GRID2: variants seen among roughly 807,000 people sequenced by gnomAD.
GRID2 encodes glutamate ionotropic receptor delta type subunit 2, also known as glutamate receptor ionotropic, delta-2.
A neutral mutation model predicts 114.8 loss-of-function variants in GRID2; 33 were observed. That is an observed-to-expected ratio of 0.29 (90% CI 0.22 to 0.38). The LOEUF (loss-of-function observed/expected upper bound fraction) is 0.38, where lower values mean the gene tolerates loss of function less well. Among genes scored for constraint, GRID2 ranks in the 10% least tolerant of loss-of-function variants. GRID2 has a pLI of 1.00. For synonymous variants in GRID2, 505 were observed against 449.9 expected, an observed-to-expected ratio of 1.12 and a Z score of -1.55; for missense variants, 1,184 against 1,257.7, an observed-to-expected ratio of 0.94 and a Z score of 0.89.
chr4:93,165,279 G>T (rs1738140253), intron 4 of GRID2, among the ~76,000 whole-genome samples: 1 of 152,044 alleles, frequency 6.6e-6, no homozygotes, highest in Non-Finnish European at 1.5e-5. Context: ...GTAGGTTGTT[G>T]TTCTTTTCTA....
At chr4:93,354,022 T>TGTGC (rs1553915447) in intron 8 of GRID2, among the ~76,000 whole-genome samples, 223 of 150,282 alleles carry the variant, frequency 1.5e-3, no homozygotes, top group African/African-American at 5.2e-3. Context: ...AGCACACACA[T>TGTGC]GCACACACAC....
At chr4:93,713,258 C>G (rs1302565242) in intron 14 of GRID2, among the ~76,000 whole-genome samples, 1 of 152,134 alleles carries the variant, frequency 6.6e-6, no homozygotes, top group East Asian at 1.9e-4. Context: ...TTGCTCACCT[C>G]TAGCCTAGAG....
Position 92,650,537 on chromosome 4 carries a change from A to G in GRID2, c.244+60251A>G, listed in dbSNP as rs1327906157. ...TTCCCTTTGGTAATAAGGATTAATC[A>G]CCCTAGCCAGTGCAATAATTCCCTT... On this transcript the variant is annotated intron_variant, in intron 2 of 15. Coordinates refer to ENST00000282020, the MANE Select transcript of GRID2 (RefSeq NM_001510.4). 3.3e-5 allele frequency among the ~76,000 whole-genome samples: 5 copies of G among 152,112 alleles called. No homozygotes were observed. In the East Asian group the frequency reaches 9.7e-4, roughly 29 times the overall value.
chr4:92,410,559 GT>G (rs1385701215), intron 1 of GRID2, among the ~76,000 whole-genome samples: 3 of 152,162 alleles, frequency 2.0e-5, no homozygotes, highest in African/African-American at 7.2e-5. Context: ...TAGAGATACA[GT>G]TTTCATACAG....
At chr4:93,459,471 T>C (rs1029091977) in intron 11 of GRID2, among the ~76,000 whole-genome samples, 1 of 152,092 alleles carries the variant, frequency 6.6e-6, no homozygotes, top group Non-Finnish European at 1.5e-5. Flanking sequence ...TGGCTTGGAT[T>C]AGACTGGAGA....
At chr4:92,434,578 A>G (rs1161447435) in intron 1 of GRID2, among the ~76,000 whole-genome samples, 2 of 152,158 alleles carry the variant, frequency 1.3e-5, no homozygotes. Flanking sequence ...CAACAGCTTA[A>G]TTTGAAGCTA....
intron 2 of GRID2, among the ~76,000 whole-genome samples, chr4:92,617,539 A>G (rs759869354): frequency 5.9e-5 from 9 of 151,746 alleles, no homozygotes; most frequent in Non-Finnish European, 1.3e-4. Flanking sequence ...GCTATAAATG[A>G]CAGGATATCA....
At chr4:92,810,876 C>T (rs1346748188) in intron 2 of GRID2, among the ~76,000 whole-genome samples, 1 of 152,124 alleles carries the variant, frequency 6.6e-6, no homozygotes, top group Non-Finnish European at 1.5e-5. Context: ...ACTGCAACCT[C>T]CGCCTCCCGG....
Position 92,650,558 on chromosome 4 carries a change from C to A in GRID2, c.244+60272C>A, listed in dbSNP as rs531709332. Among the ~76,000 whole-genome samples the A allele has an allele frequency of 2.0e-5, 3 of 152,038 alleles. 1 individual carries two copies. In the South Asian group the frequency reaches 6.2e-4, roughly 32 times the overall value. On this transcript the variant is annotated intron_variant, in intron 2 of 15. Coordinates refer to ENST00000282020, the MANE Select transcript of GRID2 (RefSeq NM_001510.4). ...AATCACCCTAGCCAGTGCAATAATT[C>A]CCTTCTTTGCCTGTTGATTCAGATA...
Position 93,369,881 on chromosome 4 carries a change from CA to C in GRID2, c.1246-25724del, listed in dbSNP as rs1762705096. Reference sequence around the variant, plus strand: ...ACAAATATAAAGAGCATCTGTAACACAATGAAGCTGTTTTCCACTTTAGGAA... The same window carrying C: ...ACAAATATAAAGAGCATCTGTAACACATGAAGCTGTTTTCCACTTTAGGAA... On this transcript the variant is annotated intron_variant, in intron 8 of 15. Coordinates refer to ENST00000282020, the MANE Select transcript of GRID2 (RefSeq NM_001510.4). Among the ~76,000 whole-genome samples, 3 of 152,192 alleles carry C rather than the reference CA, an allele frequency of 2.0e-5. No individual in the cohort carries two copies. In the South Asian group the frequency reaches 6.2e-4, roughly 32 times the overall value.
intron 2 of GRID2, among the ~76,000 whole-genome samples, chr4:92,784,423 T>A (rs1273590966): frequency 6.6e-6 from 1 of 151,896 alleles, no homozygotes; most frequent in Non-Finnish European, 1.5e-5. Context: ...ATTATACAAT[T>A]TGTGAAAGTT....
intron 2 of GRID2, among the ~76,000 whole-genome samples, chr4:92,763,978 GT>G (rs2149347161): frequency 6.6e-6 from 1 of 152,204 alleles, no homozygotes; most frequent in East Asian, 1.9e-4. Flanking sequence ...ATTTATTTAT[GT>G]TAAAAAAAAC....
intron 8 of GRID2, among the ~76,000 whole-genome samples, chr4:93,341,124 T>G (rs1354650676): frequency 2.6e-5 from 4 of 152,212 alleles, no homozygotes; most frequent in African/African-American, 9.6e-5. Flanking sequence ...TAATTCAGTT[T>G]ATTTAAATGA....
At chr4:93,560,248 A>C (rs1430631415) in intron 13 of GRID2, among the ~76,000 whole-genome samples, 1 of 150,510 alleles carries the variant, frequency 6.6e-6, no homozygotes, top group Admixed American at 6.6e-5. Flanking sequence ...AAAAAAAAAA[A>C]AAAAACAGAA....
chr4:92,929,749 A>G (rs1009453697), intron 2 of GRID2, among the ~76,000 whole-genome samples: 7 of 148,866 alleles, frequency 4.7e-5, no homozygotes, highest in African/African-American at 1.7e-4. Context: ...CTCCTTTGCC[A>G]TATTCTGCAT....
chr4:92,426,891 G>T (rs551894964), intron 1 of GRID2, among the ~76,000 whole-genome samples: 2 of 152,006 alleles, frequency 1.3e-5, no homozygotes, highest in Non-Finnish European at 2.9e-5. Context: ...ATCATATTTA[G>T]TAGGTGAGCC....
intron 2 of GRID2, among the ~76,000 whole-genome samples, chr4:92,840,284 G>GT (rs1210528153): frequency 2.6e-5 from 4 of 151,832 alleles, no homozygotes; most frequent in East Asian, 1.9e-4. Context: ...ACCAGTCTCA[G>GT]TTTTTTTAAT....
chr4:92,560,955 G>A (rs965032422), intron 1 of GRID2, among the ~76,000 whole-genome samples: 24 of 152,132 alleles, frequency 1.6e-4, no homozygotes, highest in Admixed American at 2.6e-4. Context: ...TGATCCACCC[G>A]CCTCAGCCTC....
chr4:93,449,022 C>G (rs376211847), intron 10 of GRID2, among the ~76,000 whole-genome samples: 1 of 148,934 alleles, frequency 6.7e-6, no homozygotes, highest in Admixed American at 6.8e-5. Flanking sequence ...TTTTTTCCAC[C>G]CTTTCTTCCT....
Sources: allele counts gnomAD v4.1 joint callset (sites outside exome capture counted in the v4.1 genomes callset), GRCh38; gene constraint gnomAD v4.1.1; transcripts MANE v1.5; gene names NCBI Gene and HGNC (gene_info 2026-07-23, HGNC 2026-07-21).